The following NSMCE2 variants were observed in gnomAD, a reference collection of about 807,000 sequenced individuals.
The protein encoded by NSMCE2 is NSE2 SUMO ligase component of SMC5/6 complex, also known as E3 SUMO-protein ligase NSE2.
Under a neutral mutation model 23.8 loss-of-function variants are expected in NSMCE2, and 24 were observed. The observed-to-expected ratio is 1.01, with a 90% CI of 0.73 to 1.42. The LOEUF is 1.42. NSMCE2 is among the 40% of genes most tolerant of loss of function. NSMCE2 has a pLI of 0.00. For synonymous variants in NSMCE2, 92 were observed against 94.1 expected (o/e 0.98, Z 0.13); for missense variants, 284 against 296.5 (o/e 0.96, Z 0.31).
intron 5 of NSMCE2, among the ~76,000 whole-genome samples, chr8:125,253,409 T>A (rs1266810520): frequency 6.6e-6 from 1 of 152,194 alleles, no homozygotes; most frequent in African/African-American, 2.4e-5. Flanking sequence ...AAAGATGCAA[T>A]CTTTGTGGAT....
At chr8:125,363,538 AAGAAAGAGAGAG>A (rs1354346659) in intron 7 of NSMCE2, among the ~76,000 whole-genome samples, 2 of 131,080 alleles carry the variant, frequency 1.5e-5, no homozygotes, top group Non-Finnish European at 3.3e-5. Context: ...GAAAGAAAGA[AAGAAAGAGAGAG>A]AGAGAGAGAG....
chr8:125,286,579 C>T (rs1471508039), intron 5 of NSMCE2, among the ~76,000 whole-genome samples: 1 of 152,110 alleles, frequency 6.6e-6, no homozygotes, highest in Non-Finnish European at 1.5e-5. Flanking sequence ...TCCCAAAGTG[C>T]TGGGATTACA....
intron 3 of NSMCE2, chr8:125,130,286 A>C: frequency 2.2e-6 from 1 of 456,086 alleles, no homozygotes; most frequent in African/African-American, 2.0e-5. Context: ...CAAGTCATCA[A>C]CATGACCAGT....
chr8:125,154,830 AG>A (rs1821228106), intron 4 of NSMCE2, among the ~76,000 whole-genome samples: 1 of 152,168 alleles, frequency 6.6e-6, no homozygotes, highest in Admixed American at 6.6e-5. Flanking sequence ...TTTCATATTG[AG>A]AACAGAATGA....
rs1188333755 is a variant in NSMCE2, at chr8:125,215,043, TTA to T, written c.418+32789_418+32790del. On this transcript the variant is annotated intron_variant, in intron 5 of 7. Transcript: ENST00000287437. ...TTTATTTTATTTTATTTTATTTTAT[TTA>T]TTATTATTATTATACTTTAAGTTTT... is the stretch of plus-strand genomic sequence containing the variant. 2.7e-3 allele frequency among the ~76,000 whole-genome samples: 136 copies of T among 49,846 alleles called. No individual in the cohort carries two copies. The African/African-American group carries it at 0.099, about 36-fold the overall frequency. 32.7% of individuals were successfully genotyped at this position (49,846 alleles called of 152,430 possible). A position where few individuals can be genotyped will look rare whatever the true frequency, so the allele number is the denominator to read the frequency against.
chr8:125,269,042 T>C (rs1157791752), intron 5 of NSMCE2, among the ~76,000 whole-genome samples: 1 of 152,204 alleles, frequency 6.6e-6, no homozygotes, highest in Non-Finnish European at 1.5e-5. Flanking sequence ...CTATCTTTGC[T>C]TATTACCCAA....
intron 5 of NSMCE2, among the ~76,000 whole-genome samples, chr8:125,255,443 A>G (rs1401940566): frequency 6.6e-6 from 1 of 152,146 alleles, no homozygotes; most frequent in Non-Finnish European, 1.5e-5. Flanking sequence ...CTTCATCATC[A>G]AGGAAGACTC....
At chr8:125,129,820 G>A (rs1035342738) in intron 3 of NSMCE2, among the ~76,000 whole-genome samples, 1 of 151,910 alleles carries the variant, frequency 6.6e-6, no homozygotes, top group Admixed American at 6.6e-5. Context: ...ATTTTGGAAT[G>A]ATGTTAGATT....
chr8:125,324,261 T>G (rs1829557651), intron 5 of NSMCE2, among the ~76,000 whole-genome samples: 1 of 152,148 alleles, frequency 6.6e-6, no homozygotes, highest in East Asian at 1.9e-4. Context: ...ATACAACCAC[T>G]TTAAAAGTTA....
At chr8:125,298,639 C>G (rs561620706) in intron 5 of NSMCE2, among the ~76,000 whole-genome samples, 3 of 150,328 alleles carry the variant, frequency 2.0e-5, no homozygotes, top group Non-Finnish European at 2.9e-5. Flanking sequence ...TACCATTGAA[C>G]GTGACCAGTG....
At chr8:125,152,398 G>A (rs1289035188) in intron 4 of NSMCE2, among the ~76,000 whole-genome samples, 2 of 152,196 alleles carry the variant, frequency 1.3e-5, no homozygotes, top group African/African-American at 4.8e-5. Flanking sequence ...CAGAGATTCT[G>A]ATTTCATTAG....
chr8:125,357,340 C>G (rs1563803986), intron 6 of NSMCE2, 21 bp downstream of exon 6: 1 of 1,461,224 alleles, frequency 6.8e-7, no homozygotes, highest in Admixed American at 1.7e-5. Flanking sequence ...CTCCTACTTC[C>G]CCTGAAAGAA....
intron 3 of NSMCE2, among the ~76,000 whole-genome samples, chr8:125,131,823 A>G (rs554283137): frequency 2.0e-5 from 3 of 152,318 alleles, no homozygotes; most frequent in South Asian, 4.1e-4. Context: ...TGAGAGCCCT[A>G]TCCCCTCACT....
intron 7 of NSMCE2, among the ~76,000 whole-genome samples, chr8:125,361,628 T>C (rs1439932132): frequency 6.6e-6 from 1 of 152,184 alleles, no homozygotes; most frequent in African/African-American, 2.4e-5. Flanking sequence ...GGGAATTCCA[T>C]TCTAGGTCTG....
intron 4 of NSMCE2, chr8:125,151,494 TA>T: frequency 2.8e-6 from 1 of 353,890 alleles, no homozygotes; most frequent in Non-Finnish European, 5.1e-6. Context: ...AAATCTATTT[TA>T]GATTGCTTGC....
At chr8:125,103,393 A>G (rs1818300595) in intron 3 of NSMCE2, among the ~76,000 whole-genome samples, 1 of 151,514 alleles carries the variant, frequency 6.6e-6, no homozygotes. Context: ...GAGGAGCAGC[A>G]TGATCCTTTT....
chr8:125,355,928 C>G (rs561811055), intron 5 of NSMCE2, among the ~76,000 whole-genome samples: 4 of 152,234 alleles, frequency 2.6e-5, no homozygotes, highest in African/African-American at 9.6e-5. Flanking sequence ...CAAAGCCAGT[C>G]CTGTCACTAT....
intron 7 of NSMCE2, among the ~76,000 whole-genome samples, chr8:125,360,751 G>C (rs1813502863): frequency 6.6e-6 from 1 of 152,172 alleles, no homozygotes; most frequent in African/African-American, 2.4e-5. Flanking sequence ...ATGCACATTA[G>C]AGTGATGAGT....
intron 3 of NSMCE2, among the ~76,000 whole-genome samples, chr8:125,149,761 A>G (rs998398890): frequency 1.8e-4 from 28 of 152,312 alleles, no homozygotes; most frequent in Admixed American, 1.6e-3. Flanking sequence ...AATAGTTACA[A>G]TAACTGAAAT....
Sources: gnomAD v4.1 joint callset for allele counts (sites outside exome capture counted in the v4.1 genomes callset) on GRCh38, gnomAD v4.1.1 for gene constraint, MANE v1.5 for transcripts, NCBI Gene and HGNC (gene_info 2026-07-23, HGNC 2026-07-21) for gene names.